Variants in CD200R1 observed in about 807,000 individuals in gnomAD.
CD200R1 encodes CD200 receptor 1, also known as cell surface glycoprotein CD200 receptor 1.
In CD200R1, 30 loss-of-function variants were observed where a neutral mutation model predicts 38.1. The ratio of observed to expected loss-of-function variants is 0.79; its 90% CI spans 0.59 to 1.07. The LOEUF (loss-of-function observed/expected upper bound fraction) is 1.07. CD200R1 is among the 50% of genes least tolerant of loss of function. The pLI is 0.00. For synonymous variants in CD200R1, 128 were observed against 152.1 expected (o/e 0.84, Z 1.16); for missense variants, 372 against 415.4 (o/e 0.90, Z 0.91).
chr3:112,974,930 G>A lies in CD200R1; in HGVS notation c.-73C>T. 1 of 1,195,618 alleles carries A rather than the reference G, an allele frequency of 8.4e-7. No homozygotes were observed. Among genetic ancestry groups the A allele is most frequent in the South Asian group, 1.2e-5 (1 of 80,802 alleles). The allele number at this position is 1,195,618 out of a possible 1,614,324, so 74.1% of individuals were successfully genotyped here. A position where few individuals can be genotyped will look rare whatever the true frequency, so the allele number is the denominator to read the frequency against. ...CAGGTACAGAAGGAACTGTGCGCAT[G>A]GTGAGACCCTCTCTGGTCAACTTCT... On this transcript the variant is annotated 5_prime_UTR_variant, in exon 1 of 8. Coordinates refer to ENST00000308611, the MANE Select transcript of CD200R1 (RefSeq NM_138806.4).
Position 112,929,270 on chromosome 3 carries a change from A to C in CD200R1, c.440T>G (p.Ile147Ser). 1 of 1,614,146 alleles carries C rather than the reference A, an allele frequency of 6.2e-7. No individual in the cohort carries two copies. The highest frequency in any genetic ancestry group is 8.5e-7 in the Non-Finnish European group (1 of 1,180,016). The change falls in exon 4 of 8, where the codon ATC (isoleucine) becomes AGC (serine). Residue 147 changes from isoleucine to serine, a missense_variant. Physicochemically the swap from Ile to Ser is moderately radical, Grantham distance 142 (BLOSUM62 -2). Transcript: ENST00000308611. ...NSDLQIRTVA[I>S]THDGYYRCIM... ...GCATCTGTAATACCCGTCATGAGTG[A>C]TGGCCACGGTACGAATCTGAAGGTC...
At chr3:112,959,098 TTAGAGA>T (rs1259195191) in intron 1 of CD200R1, among the ~76,000 whole-genome samples, 5 of 152,142 alleles carry the variant, frequency 3.3e-5, no homozygotes, top group East Asian at 1.9e-4. Context: ...TAAAAAAAAC[TTAGAGA>T]TAGACATTTC....
At chr3:112,952,656 G>A (rs1000419485) in intron 1 of CD200R1, among the ~76,000 whole-genome samples, 1 of 152,046 alleles carries the variant, frequency 6.6e-6, no homozygotes, top group African/African-American at 2.4e-5. Context: ...GGAGGGGGGA[G>A]GGATAGCATT....
At chr3:112,945,987 C>T (rs936032308) in intron 2 of CD200R1, among the ~76,000 whole-genome samples, 14 of 146,754 alleles carry the variant, frequency 9.5e-5, no homozygotes, top group African/African-American at 3.5e-4. Context: ...GAGCCAAGAT[C>T]GCGCCACTGC....
chr3:112,924,124 T>C (rs1457650154), intron 7 of CD200R1, among the ~76,000 whole-genome samples: 1 of 151,868 alleles, frequency 6.6e-6, no homozygotes, highest in Non-Finnish European at 1.5e-5. Flanking sequence ...GAGCAGGATA[T>C]GTTTTAAGTT....
At chr3:112,958,815 AAAG>A (rs1310930981) in intron 1 of CD200R1, among the ~76,000 whole-genome samples, 6 of 152,294 alleles carry the variant, frequency 3.9e-5, no homozygotes, top group Admixed American at 6.5e-5. Flanking sequence ...TCATCAGTAG[AAAG>A]AAGAATGTTT....
rs1232352488 is a variant in CD200R1, at chr3:112,923,174, G to GACTT, written c.*499_*502dup. 7 of 151,830 alleles carry GACTT rather than the reference G, an allele frequency of 4.6e-5. No homozygotes were observed. Among genetic ancestry groups the GACTT allele is most frequent in the African/African-American group, 1.7e-4 (7 of 41,378 alleles). The allele number at this position is 151,830 out of a possible 1,614,324, so 9.4% of individuals were successfully genotyped here. Reference sequence around the variant, plus strand: ...TGTCATGATATAAAATGATCTCTAAGACTTATATTATTAGGTTTTCATATG... The same window carrying GACTT: ...TGTCATGATATAAAATGATCTCTAAGACTTACTTATATTATTAGGTTTTCATATG... On this transcript the variant is annotated 3_prime_UTR_variant, in exon 8 of 8. Coordinates refer to ENST00000308611, the MANE Select transcript of CD200R1 (RefSeq NM_138806.4).
At chr3:112,950,029 T>C (rs2107326650) in intron 1 of CD200R1, among the ~76,000 whole-genome samples, 1 of 152,320 alleles carries the variant, frequency 6.6e-6, no homozygotes, top group Admixed American at 6.5e-5. Context: ...CTCTTAGTCA[T>C]ATGAAAATAT....
intron 2 of CD200R1, among the ~76,000 whole-genome samples, chr3:112,934,651 G>A (rs185760938): frequency 6.6e-4 from 101 of 152,176 alleles, no homozygotes; most frequent in African/African-American, 2.2e-3. Flanking sequence ...CCAACATGAT[G>A]AAACCCCATC....
chr3:112,932,852 AC>A (rs1940481868), intron 2 of CD200R1, among the ~76,000 whole-genome samples: 1 of 151,466 alleles, frequency 6.6e-6, no homozygotes, highest in Admixed American at 6.6e-5. Context: ...GGCAAATATA[AC>A]CCCAGGCCTA....
intron 1 of CD200R1, among the ~76,000 whole-genome samples, chr3:112,973,934 T>C (rs751201014): frequency 6.6e-6 from 1 of 152,154 alleles, no homozygotes; most frequent in Non-Finnish European, 1.5e-5. Context: ...GAAGAGTCTG[T>C]TCTCTAACTC....
chr3:112,938,638 G>A lies in CD200R1; in HGVS notation c.137-7467C>T, dbSNP rs190618357. ...AAGTCTCCCAACAAAGAAAAGTCCA[G>A]GAACAAATGGCTTCACAGCTGAATT... On this transcript the variant is annotated intron_variant, in intron 2 of 7. Coordinates refer to ENST00000308611, the MANE Select transcript of CD200R1 (RefSeq NM_138806.4). 2.6e-5 allele frequency among the ~76,000 whole-genome samples: 4 copies of A among 152,064 alleles called. No homozygotes were observed. In the East Asian group the frequency reaches 7.7e-4, roughly 29 times the overall value.
chr3:112,952,709 C>T (rs550336141), intron 1 of CD200R1, among the ~76,000 whole-genome samples: 3 of 152,004 alleles, frequency 2.0e-5, no homozygotes, highest in South Asian at 2.1e-4. Flanking sequence ...GTGGGTGCAG[C>T]GCACCAGTGT....
At chr3:112,970,131 T>C (rs1264987846) in intron 1 of CD200R1, among the ~76,000 whole-genome samples, 1 of 152,092 alleles carries the variant, frequency 6.6e-6, no homozygotes, top group Non-Finnish European at 1.5e-5. Context: ...TAAGCCATGA[T>C]TGCACCACTG....
intron 2 of CD200R1, among the ~76,000 whole-genome samples, chr3:112,945,521 G>T (rs1940828936): frequency 6.6e-6 from 1 of 152,132 alleles, no homozygotes; most frequent in Non-Finnish European, 1.5e-5. Context: ...ATTAAATCTA[G>T]ATACAGACCT....
intron 3 of CD200R1, among the ~76,000 whole-genome samples, chr3:112,930,129 A>T (rs1029711052): frequency 5.5e-5 from 8 of 145,836 alleles, no homozygotes; most frequent in African/African-American, 2.1e-4. Flanking sequence ...AAAAAAAAAA[A>T]CTATTATTCC....
rs983804556 is a variant in CD200R1, at chr3:112,923,417, C to T, written c.*260G>A. The T allele has an allele frequency of 1.5e-5, 4 of 267,528 alleles. No homozygotes were observed. The highest frequency in any genetic ancestry group is 2.1e-5 in the Non-Finnish European group (3 of 142,710). The allele number at this position is 267,528 out of a possible 1,614,324, so 16.6% of individuals were successfully genotyped here. A position where few individuals can be genotyped will look rare whatever the true frequency, so the allele number is the denominator to read the frequency against. ...AATTTGGTTTTCATTATTTACTGTC[C>T]TGCACAATTTGAATATTTGGTCATG... On this transcript the variant is annotated 3_prime_UTR_variant, in exon 8 of 8. Transcript: ENST00000308611.
At chr3:112,944,986 A>C (rs1940812997) in intron 2 of CD200R1, among the ~76,000 whole-genome samples, 1 of 152,200 alleles carries the variant, frequency 6.6e-6, no homozygotes, top group Non-Finnish European at 1.5e-5. Context: ...ATCCCCAAAA[A>C]TGAAATACTT....
rs1228250688 is a variant in CD200R1, at chr3:112,921,913, C to G, written c.*1764G>C. On this transcript the variant is annotated 3_prime_UTR_variant, in exon 8 of 8. Coordinates refer to ENST00000308611, the MANE Select transcript of CD200R1 (RefSeq NM_138806.4). ...TTTCAGTAATATTTAAACAGATAGT[C>G]TTGAACCTAACTATGAGCCTCAGCT... The G allele has an allele frequency of 1.3e-5, 2 of 152,024 alleles. No homozygotes were observed. The highest frequency in any genetic ancestry group is 2.9e-5 in the Non-Finnish European group (2 of 67,952). The allele number at this position is 152,024 out of a possible 1,614,324, so 9.4% of individuals were successfully genotyped here.
Sources: allele counts gnomAD v4.1 joint callset (sites outside exome capture counted in the v4.1 genomes callset), GRCh38; gene constraint gnomAD v4.1.1; transcripts MANE v1.5; gene names NCBI Gene and HGNC (gene_info 2026-07-23, HGNC 2026-07-21).